Variants in KCNQ5 observed in about 807,000 individuals in gnomAD.
KCNQ5 encodes the protein potassium voltage-gated channel subfamily KQT member 5.
A neutral mutation model predicts 98.2 loss-of-function variants in KCNQ5; 30 were observed. The ratio of observed to expected loss-of-function variants is 0.31; its 90% CI spans 0.23 to 0.41. KCNQ5 has a LOEUF of 0.41. KCNQ5 is among the 10% of genes least tolerant of loss of function. KCNQ5 has a pLI of 1.00. For missense variants in KCNQ5, 835 were observed against 1,182.5 expected, an observed-to-expected ratio of 0.71 and a Z score of 4.31; for synonymous variants, 458 against 449.4, an observed-to-expected ratio of 1.02 and a Z score of -0.24.
chr6:73,140,183 A>G (rs1445142981), intron 10 of KCNQ5, among the ~76,000 whole-genome samples: 1 of 152,134 alleles, frequency 6.6e-6, no homozygotes, highest in African/African-American at 2.4e-5. Context: ...TATAAATCAC[A>G]GACTATCAGT....
chr6:72,724,951 GAAGGGA>G (rs1256448052), intron 1 of KCNQ5, among the ~76,000 whole-genome samples: 5 of 152,186 alleles, frequency 3.3e-5, no homozygotes, highest in African/African-American at 1.2e-4. Flanking sequence ...GTTGCATAGA[GAAGGGA>G]AACCATATAA....
intron 1 of KCNQ5, among the ~76,000 whole-genome samples, chr6:72,727,044 GTTA>G (rs1364637730): frequency 2.0e-5 from 3 of 152,104 alleles, no homozygotes; most frequent in Non-Finnish European, 4.4e-5. Context: ...AAGTCAGTTG[GTTA>G]ACTACTATAA....
intron 1 of KCNQ5, among the ~76,000 whole-genome samples, chr6:72,626,202 C>T (rs1044313669): frequency 6.6e-6 from 1 of 152,156 alleles, no homozygotes; most frequent in African/African-American, 2.4e-5. Context: ...AGAGAGGTTA[C>T]AAAGTGACAT....
At chr6:72,649,569 C>T (rs1397701146) in intron 1 of KCNQ5, among the ~76,000 whole-genome samples, 1 of 152,160 alleles carries the variant, frequency 6.6e-6, no homozygotes, top group Admixed American at 6.5e-5. Flanking sequence ...TAACCACCAT[C>T]AATCTTGGCA....
At chr6:72,686,723 T>TC (rs1767971069) in intron 1 of KCNQ5, among the ~76,000 whole-genome samples, 1 of 150,728 alleles carries the variant, frequency 6.6e-6, no homozygotes, top group Non-Finnish European at 1.5e-5. Flanking sequence ...GGTTGTTTTT[T>TC]TTTTTTTTTT....
At chr6:72,915,776 G>C (rs1029625977) in intron 1 of KCNQ5, among the ~76,000 whole-genome samples, 3 of 152,032 alleles carry the variant, frequency 2.0e-5, no homozygotes, top group African/African-American at 7.2e-5. Context: ...AAAATGACAA[G>C]TGCATTTATT....
intron 1 of KCNQ5, chr6:72,987,196 A>G: frequency 1.5e-6 from 1 of 687,174 alleles, no homozygotes; most frequent in East Asian, 2.9e-5. Context: ...ATCATTGAGG[A>G]GCCGGCTCTG....
At chr6:72,717,450 T>A (rs976125164) in intron 1 of KCNQ5, among the ~76,000 whole-genome samples, 1 of 152,212 alleles carries the variant, frequency 6.6e-6, no homozygotes, top group Admixed American at 6.5e-5. Flanking sequence ...AAAAATTTTT[T>A]AAATATTTTG....
chr6:73,047,099 T>C (rs909371754), intron 3 of KCNQ5, among the ~76,000 whole-genome samples: 2 of 152,150 alleles, frequency 1.3e-5, no homozygotes, highest in African/African-American at 4.8e-5. Context: ...AACTGGAAAA[T>C]TGTCTTTACT....
rs187773027 is a variant in KCNQ5, at chr6:72,994,652, A to T, written c.399-9256A>T. On this transcript the variant is annotated intron_variant, in intron 1 of 13. Transcript: ENST00000370398. ...GCTCACGCTGGGAGCTGTAGACCGG[A>T]GCTGTTCCTATTCGGCCATCTTGGC... 8.2e-3 allele frequency among the ~76,000 whole-genome samples: 1,249 copies of T among 151,886 alleles called. 4 individuals are homozygous for T. The highest frequency in any genetic ancestry group is 0.014 in the Middle Eastern group (4 of 294).
At chr6:73,104,526 G>T (rs1194210014) in intron 5 of KCNQ5, among the ~76,000 whole-genome samples, 1 of 152,114 alleles carries the variant, frequency 6.6e-6, no homozygotes, top group African/African-American at 2.4e-5. Flanking sequence ...TACTCTATGT[G>T]TTCTCACTGT....
chr6:73,069,759 A>G (rs899931330), intron 3 of KCNQ5, among the ~76,000 whole-genome samples: 1 of 152,174 alleles, frequency 6.6e-6, no homozygotes, highest in African/African-American at 2.4e-5. Context: ...GAGCAGCAGC[A>G]TTTTATAGAG....
chr6:73,075,443 G>C (rs564072730), intron 3 of KCNQ5, among the ~76,000 whole-genome samples: 2 of 152,022 alleles, frequency 1.3e-5, no homozygotes, highest in Non-Finnish European at 2.9e-5. Context: ...GGATGGTCTC[G>C]ATCTCCTGAC....
chr6:72,738,526 A>G (rs1214250446), intron 1 of KCNQ5, among the ~76,000 whole-genome samples: 1 of 152,174 alleles, frequency 6.6e-6, no homozygotes, highest in African/African-American at 2.4e-5. Context: ...CAGATTCGTT[A>G]TAATATCTTA....
chr6:72,881,292 A>G (rs1213415047), intron 1 of KCNQ5, among the ~76,000 whole-genome samples: 2 of 152,234 alleles, frequency 1.3e-5, no homozygotes, highest in Non-Finnish European at 2.9e-5. Context: ...AGAATCCTCA[A>G]TGGTAGACCA....
intron 10 of KCNQ5, among the ~76,000 whole-genome samples, chr6:73,137,552 T>G (rs1478165008): frequency 1.3e-5 from 2 of 152,198 alleles, no homozygotes; most frequent in African/African-American, 4.8e-5. Flanking sequence ...TAGAAATATT[T>G]TTGTCAAGTA....
rs142723007 is a variant in KCNQ5 at position 73,142,519 on chromosome 6, G to A, written c.1468+8878G>A. On this transcript the variant is annotated intron_variant, in intron 10 of 13. Transcript: ENST00000370398. ...ATCTCAAAAAAAAAAAAAAATCCTG[G>A]CCTCAACCTATAGCTACGCAATTAT... Among the ~76,000 whole-genome samples, 1,062 of 151,816 alleles carry A rather than the reference G, an allele frequency of 7.0e-3. 11 individuals carry two copies. The highest frequency in any genetic ancestry group is 0.024 in the African/African-American group (992 of 41,342).
chr6:72,711,624 A>C (rs1426754355), intron 1 of KCNQ5, among the ~76,000 whole-genome samples: 13 of 152,154 alleles, frequency 8.5e-5, no homozygotes, highest in African/African-American at 3.1e-4. Context: ...TGCATTTTTA[A>C]AATCATCTGA....
chr6:72,689,578 T>C (rs982418856), intron 1 of KCNQ5, among the ~76,000 whole-genome samples: 1 of 152,216 alleles, frequency 6.6e-6, no homozygotes, highest in Admixed American at 6.5e-5. Flanking sequence ...TGGCAGACTT[T>C]GTAGTAGCTG....
Sources: allele counts gnomAD v4.1 joint callset (sites outside exome capture counted in the v4.1 genomes callset), GRCh38; gene constraint gnomAD v4.1.1; transcripts MANE v1.5; gene names NCBI Gene and HGNC (gene_info 2026-07-23, HGNC 2026-07-21).